The following WASF1 variants were observed in gnomAD, a reference collection of about 807,000 sequenced individuals.
WASF1 encodes actin-binding protein WASF1.
WASF1 carries 7 observed loss-of-function variants against 50.5 expected under a neutral mutation model. That is an observed-to-expected ratio of 0.14 (90% CI 0.08 to 0.26). The LOEUF (loss-of-function observed/expected upper bound fraction) is 0.26. Among genes scored for constraint, WASF1 ranks in the 10% least tolerant of loss-of-function variants. The pLI, the probability that WASF1 is intolerant of heterozygous loss-of-function variation, is 1.00. For synonymous variants in WASF1, 205 were observed against 244.0 expected, an observed-to-expected ratio of 0.84 and a Z score of 1.49; for missense variants, 470 against 694.7, an observed-to-expected ratio of 0.68 and a Z score of 3.64.
intron 3 of WASF1, among the ~76,000 whole-genome samples, chr6:110,154,777 A>T (rs1275968780): frequency 2.0e-5 from 3 of 152,128 alleles, no homozygotes; most frequent in Admixed American, 1.3e-4. Flanking sequence ...TGAAGATTTT[A>T]AATATTTTTC....
intron 2 of WASF1, among the ~76,000 whole-genome samples, chr6:110,166,019 G>A (rs1168376820): frequency 6.6e-6 from 1 of 151,578 alleles, no homozygotes; most frequent in East Asian, 1.9e-4. Context: ...AATGCAGTAG[G>A]GCAAAGTTAT....
At chr6:110,124,142 C>A (rs1310856825) in intron 4 of WASF1, among the ~76,000 whole-genome samples, 4 of 147,338 alleles carry the variant, frequency 2.7e-5, no homozygotes, top group Non-Finnish European at 4.5e-5. Flanking sequence ...TGTGGTGAAG[C>A]CACCAGTAAT....
At chr6:110,128,603 G>A (rs190770145) in intron 3 of WASF1, among the ~76,000 whole-genome samples, 5 of 152,302 alleles carry the variant, frequency 3.3e-5, no homozygotes, top group African/African-American at 9.6e-5. Context: ...TGAGTGACTC[G>A]AGTTAGTAAC....
At chr6:110,144,307 G>A (rs1562180289) in intron 3 of WASF1, among the ~76,000 whole-genome samples, 1 of 152,126 alleles carries the variant, frequency 6.6e-6, no homozygotes, top group Non-Finnish European at 1.5e-5. Flanking sequence ...TGGTGATGGG[G>A]TTGTTTGTTT....
intron 4 of WASF1, among the ~76,000 whole-genome samples, chr6:110,117,876 A>C (rs933877058): frequency 1.3e-5 from 2 of 152,206 alleles, no homozygotes; most frequent in African/African-American, 4.8e-5. Flanking sequence ...CTTAAAGAAA[A>C]GAATTTTCAA....
chr6:110,123,683 T>G (rs1013522199), intron 4 of WASF1, among the ~76,000 whole-genome samples: 2 of 152,106 alleles, frequency 1.3e-5, no homozygotes, highest in African/African-American at 2.4e-5. Context: ...ACAGCAGAGA[T>G]AGAAGCACCT....
At chr6:110,132,382 G>A (rs953792920) in intron 3 of WASF1, among the ~76,000 whole-genome samples, 1 of 151,248 alleles carries the variant, frequency 6.6e-6, no homozygotes, top group African/African-American at 2.4e-5. Context: ...TGTGAAATAC[G>A]TATTTCATAT....
intron 2 of WASF1, among the ~76,000 whole-genome samples, chr6:110,168,087 G>T (rs1776549954): frequency 6.6e-6 from 1 of 151,880 alleles, no homozygotes. Context: ...ATACCTCAAA[G>T]AATATTTAAT....
intron 3 of WASF1, among the ~76,000 whole-genome samples, chr6:110,143,178 G>A (rs1480097836): frequency 6.6e-6 from 1 of 151,152 alleles, no homozygotes; most frequent in Non-Finnish European, 1.5e-5. Context: ...CCTTTTCATG[G>A]GTATACTTTT....
intron 6 of WASF1, among the ~76,000 whole-genome samples, chr6:110,107,417 T>C (rs1469237576): frequency 1.3e-5 from 2 of 152,178 alleles, no homozygotes; most frequent in Non-Finnish European, 2.9e-5. Flanking sequence ...GTACTAACAA[T>C]TTAAAGTATA....
chr6:110,177,155 T>C (rs570891396), intron 2 of WASF1: 1 of 152,204 alleles, frequency 6.6e-6, no homozygotes, highest in South Asian at 2.1e-4. Flanking sequence ...ACCTTATAAA[T>C]GATCACAACT....
chr6:110,176,261 C>T (rs1038600946), intron 2 of WASF1, among the ~76,000 whole-genome samples: 8 of 152,100 alleles, frequency 5.3e-5, no homozygotes, highest in African/African-American at 1.4e-4. Flanking sequence ...TTACATATAT[C>T]TTTTTTATTA....
In WASF1 at chr6:110,175,875, G is replaced by A. The variant is rs546792649; in HGVS notation, c.-127+2723C>T. Among the ~76,000 whole-genome samples the A allele has an allele frequency of 2.6e-5, 4 of 152,166 alleles. No homozygotes were observed. The East Asian group carries it at 7.7e-4, about 29-fold the overall frequency. On this transcript the variant is annotated intron_variant, in intron 2 of 10. Coordinates refer to ENST00000392589, the MANE Select transcript of WASF1 (RefSeq NM_003931.3). Reference sequence around the variant, plus strand: ...AACTTATTTTTCCCATAGAAAGACTGTCATACAAATTATTATAGGTATTTT... The same window carrying A: ...AACTTATTTTTCCCATAGAAAGACTATCATACAAATTATTATAGGTATTTT...
chr6:110,131,123 TTTC>T (rs1162877027), intron 3 of WASF1, among the ~76,000 whole-genome samples: 9 of 152,206 alleles, frequency 5.9e-5, no homozygotes, highest in Non-Finnish European at 1.3e-4. Flanking sequence ...GCTATTCCAC[TTTC>T]TTAGTGATGT....
intron 8 of WASF1, among the ~76,000 whole-genome samples, chr6:110,104,734 A>G (rs1171989478): frequency 3.9e-5 from 6 of 152,234 alleles, no homozygotes; most frequent in Non-Finnish European, 5.9e-5. Context: ...GGTTGCAGTG[A>G]GCTGAGAGCA....
At chr6:110,146,013 A>T (rs1445532402) in intron 3 of WASF1, among the ~76,000 whole-genome samples, 1 of 151,680 alleles carries the variant, frequency 6.6e-6, no homozygotes, top group Non-Finnish European at 1.5e-5. Flanking sequence ...GGATGGCATT[A>T]GGAGATATAC....
chr6:110,131,704 T>G (rs1299986974), intron 3 of WASF1, among the ~76,000 whole-genome samples: 1 of 152,116 alleles, frequency 6.6e-6, no homozygotes, highest in Non-Finnish European at 1.5e-5. Context: ...GGTCCTGCCA[T>G]GTTGTCCAGG....
chr6:110,103,561 A>G lies in WASF1; in HGVS notation c.714-4T>C. 6.2e-7 allele frequency: 1 copy of G among 1,606,388 alleles called. No individual in the cohort carries two copies. The highest frequency in any genetic ancestry group is 1.1e-5 in the South Asian group (1 of 90,070). ...ATGATCCACGTATGTCTGAGGTCTA[A>G]AAGAAATATATAGTATCAGTGAATT... On this transcript the variant is annotated splice_polypyrimidine_tract_variant and splice_region_variant and intron_variant, in intron 8 of 10. Transcript: ENST00000392589.
intron 2 of WASF1, among the ~76,000 whole-genome samples, chr6:110,170,778 A>C (rs1776679605): frequency 6.6e-6 from 1 of 152,154 alleles, no homozygotes; most frequent in South Asian, 2.1e-4. Flanking sequence ...AACACGAGTC[A>C]AAACAAATCT....
Sources: gnomAD v4.1 joint callset for allele counts (sites outside exome capture counted in the v4.1 genomes callset) on GRCh38, gnomAD v4.1.1 for gene constraint, MANE v1.5 for transcripts, NCBI Gene and HGNC (gene_info 2026-07-23, HGNC 2026-07-21) for gene names.